Variants in CALCR observed in about 807,000 individuals in gnomAD.
CALCR encodes the protein calcitonin receptor.
In CALCR, 47 loss-of-function variants were observed where a neutral mutation model predicts 59.5. That is an observed-to-expected ratio of 0.79 (90% CI 0.63 to 1.01). The LOEUF (loss-of-function observed/expected upper bound fraction) is 1.01, where lower values mean the gene tolerates loss of function less well. CALCR is among the 50% of genes least tolerant of loss of function. The probability of loss-of-function intolerance (pLI) is 0.00; values close to 1 mark genes in which losing one functional copy is unlikely to be tolerated. For synonymous variants in CALCR, 213 were observed against 211.3 expected (o/e 1.01, Z -0.07); for missense variants, 566 against 597.1 (o/e 0.95, Z 0.54).
At chr7:93,541,553 T>C (rs1169950024) in intron 2 of CALCR, among the ~76,000 whole-genome samples, 2 of 152,210 alleles carry the variant, frequency 1.3e-5, no homozygotes, top group East Asian at 1.9e-4. Context: ...ATTAAATTCC[T>C]ATTGACTTCA....
At chr7:93,496,386 T>G (rs1801204088) in intron 2 of CALCR, among the ~76,000 whole-genome samples, 1 of 151,508 alleles carries the variant, frequency 6.6e-6, no homozygotes, top group Non-Finnish European at 1.5e-5. Context: ...TGATAACAAT[T>G]AATAACCCAT....
intron 2 of CALCR, among the ~76,000 whole-genome samples, chr7:93,568,506 ACTTTCT>A (rs1202231936): frequency 7.8e-4 from 43 of 55,152 alleles, no homozygotes; most frequent in Admixed American, 1.7e-3. Flanking sequence ...CCATAAAATT[ACTTTCT>A]CTCTCTCTCT....
At chr7:93,519,726 T>C (rs1233027701) in intron 2 of CALCR, among the ~76,000 whole-genome samples, 1 of 152,044 alleles carries the variant, frequency 6.6e-6, no homozygotes, top group East Asian at 1.9e-4. Context: ...TGGGAGGTGA[T>C]TAAATCATGG....
At chr7:93,504,876 A>T (rs1303275561) in intron 2 of CALCR, among the ~76,000 whole-genome samples, 1 of 152,162 alleles carries the variant, frequency 6.6e-6, no homozygotes, top group Non-Finnish European at 1.5e-5. Context: ...ACGCACCCAT[A>T]CAAGACTTAT....
chr7:93,425,751 C>G lies in CALCR; in HGVS notation c.*605G>C. The G allele has an allele frequency of 6.6e-6, 1 of 152,110 alleles. No individual in the cohort carries two copies. Among genetic ancestry groups the G allele is most frequent in the East Asian group, 1.9e-4 (1 of 5,194 alleles). 9.4% of individuals were successfully genotyped at this position (152,110 alleles called of 1,614,324 possible). ...ATTGACTCTAAATTTCTTTTGCATTCAAAGCATACATCTTCCTGCCAAATG... is the reference window on the plus strand; with the variant it reads ...ATTGACTCTAAATTTCTTTTGCATTGAAAGCATACATCTTCCTGCCAAATG... On this transcript the variant is annotated 3_prime_UTR_variant, in exon 14 of 14. Coordinates refer to ENST00000426151, the MANE Select transcript of CALCR (RefSeq NM_001742.4).
intron 2 of CALCR, among the ~76,000 whole-genome samples, chr7:93,547,931 T>C (rs1423096310): frequency 1.3e-5 from 2 of 152,152 alleles, no homozygotes; most frequent in Admixed American, 1.3e-4. Flanking sequence ...AGAACAGATG[T>C]TTATTTCAAG....
chr7:93,555,675 A>G (rs967663145), intron 2 of CALCR, among the ~76,000 whole-genome samples: 5 of 134,986 alleles, frequency 3.7e-5, no homozygotes, highest in Non-Finnish European at 8.8e-5. Flanking sequence ...TCCAGTAATT[A>G]TATCAAAGTG....
chr7:93,533,911 T>A (rs1323692158), intron 2 of CALCR, among the ~76,000 whole-genome samples: 1 of 151,862 alleles, frequency 6.6e-6, no homozygotes, highest in Non-Finnish European at 1.5e-5. Flanking sequence ...ACCTTCATAA[T>A]GTTTAGCAGT....
At chr7:93,512,934 C>G (rs1361755571) in intron 2 of CALCR, among the ~76,000 whole-genome samples, 1 of 152,150 alleles carries the variant, frequency 6.6e-6, no homozygotes, top group Non-Finnish European at 1.5e-5. Flanking sequence ...TATTTAGGAG[C>G]TGGCATCTAA....
At chr7:93,482,895 G>A in intron 3 of CALCR, 1 of 529,774 alleles carries the variant, frequency 1.9e-6, no homozygotes, top group South Asian at 1.4e-5. Context: ...GTAATAATCT[G>A]CATCAGTTCC....
intron 9 of CALCR, among the ~76,000 whole-genome samples, chr7:93,442,558 G>C (rs1442342565): frequency 1.3e-5 from 2 of 152,160 alleles, no homozygotes; most frequent in Non-Finnish European, 2.9e-5. Context: ...CTGTTGGGCA[G>C]GGCTTTAAAT....
At chr7:93,481,348 G>T (rs1800792449) in intron 3 of CALCR, among the ~76,000 whole-genome samples, 1 of 151,688 alleles carries the variant, frequency 6.6e-6, no homozygotes, top group African/African-American at 2.4e-5. Context: ...GGGCAGCCAG[G>T]AAGTTGAAGG....
intron 2 of CALCR, among the ~76,000 whole-genome samples, chr7:93,525,515 T>C (rs912290024): frequency 1.3e-5 from 2 of 152,212 alleles, no homozygotes; most frequent in Admixed American, 1.3e-4. Flanking sequence ...TCATGGTGTG[T>C]ATGTTGAACA....
intron 2 of CALCR, among the ~76,000 whole-genome samples, chr7:93,518,066 A>G (rs1801683988): frequency 6.6e-6 from 1 of 151,972 alleles, no homozygotes; most frequent in East Asian, 1.9e-4. Flanking sequence ...AGCATGAAAC[A>G]TTGAGAACAG....
At chr7:93,560,770 T>A (rs1563021386) in intron 2 of CALCR, among the ~76,000 whole-genome samples, 1 of 152,100 alleles carries the variant, frequency 6.6e-6, no homozygotes, top group Non-Finnish European at 1.5e-5. Context: ...ATAGTGAAGA[T>A]AAAGTTTGGG....
chr7:93,476,688 A>C (rs1800673502), intron 5 of CALCR, among the ~76,000 whole-genome samples: 2 of 151,840 alleles, frequency 1.3e-5, no homozygotes, highest in Non-Finnish European at 1.5e-5. Flanking sequence ...AGTAGCCTCA[A>C]TTGCACAACA....
At chr7:93,548,975 G>A (rs1296748275) in intron 2 of CALCR, among the ~76,000 whole-genome samples, 1 of 151,698 alleles carries the variant, frequency 6.6e-6, no homozygotes, top group Non-Finnish European at 1.5e-5. Flanking sequence ...TTGTAATGCT[G>A]TGATTATAAA....
At chr7:93,532,659 A>G (rs1195554644) in intron 2 of CALCR, among the ~76,000 whole-genome samples, 1 of 151,766 alleles carries the variant, frequency 6.6e-6, no homozygotes, top group Non-Finnish European at 1.5e-5. Context: ...ATTAGAAGAG[A>G]CTTACTAACA....
At chr7:93,568,535 CTCTCTCTCTCTCTCTCTCTCTG>C (rs1481695762) in intron 2 of CALCR, among the ~76,000 whole-genome samples, 6 of 135,204 alleles carry the variant, frequency 4.4e-5, no homozygotes, top group Admixed American at 7.3e-5. Context: ...CTCTCTCTCT[CTCTCTCTCTCTCTCTCTCTCTG>C]TCTCTCTCCT....
Sources: allele counts gnomAD v4.1 joint callset (sites outside exome capture counted in the v4.1 genomes callset), GRCh38; gene constraint gnomAD v4.1.1; transcripts MANE v1.5; gene names NCBI Gene and HGNC (gene_info 2026-07-23, HGNC 2026-07-21).